The following UQCC1 variants were observed in gnomAD, a reference collection of about 807,000 sequenced individuals.
UQCC1 encodes ubiquinol-cytochrome c reductase complex assembly factor 1, also known as bFGF-repressed Zic-binding protein.
In UQCC1, 38 loss-of-function variants were observed where a neutral mutation model predicts 48.0. The observed-to-expected ratio is 0.79, with a 90% confidence interval of 0.61 to 1.04. The LOEUF is 1.04. UQCC1 is among the 50% of genes least tolerant of loss of function. The pLI, the probability that UQCC1 is intolerant of heterozygous loss-of-function variation, is 0.00. For synonymous variants in UQCC1, 111 were observed against 129.2 expected (o/e 0.86, Z 0.95); for missense variants, 368 against 381.8 (o/e 0.96, Z 0.30).
At chr20:35,395,069 G>A (rs200874673) in intron 1 of UQCC1, among the ~76,000 whole-genome samples, 5 of 152,098 alleles carry the variant, frequency 3.3e-5, no homozygotes, top group South Asian at 4.2e-4. Flanking sequence ...CTTGCTCTCC[G>A]GGTGTGCCAC....
In UQCC1 at chr20:35,374,200, G is replaced by A. The variant is rs151024884; in HGVS notation, c.390C>T (p.Phe130=). Residue 130 remains phenylalanine, a synonymous_variant, in exon 5 of 10, where the codon TTC becomes TTT. Coordinates refer to ENST00000374385, the MANE Select transcript of UQCC1 (RefSeq NM_018244.5). ...ATAACTTACTTAGAAAGAATTCCTC[G>A]AAGTCAGTTTTCTCCACACAGCTAG... is the stretch of plus-strand genomic sequence containing the variant. ...MYTSCVEKTD[F]EEFFLRCQMP... 3.5e-4 allele frequency: 566 copies of A among 1,611,084 alleles called. 3 individuals are homozygous for A. The Middle Eastern group carries it at 9.6e-3, about 27-fold the overall frequency.
chr20:35,353,394 TAA>T (rs199996426), intron 6 of UQCC1, among the ~76,000 whole-genome samples: 10 of 119,606 alleles, frequency 8.4e-5, no homozygotes, highest in Admixed American at 1.7e-4. Context: ...AGACTCTACC[TAA>T]AAAAAAAAAA....
chr20:35,409,605 A>G (rs1472384646), intron 1 of UQCC1: 1 of 160,200 alleles, frequency 6.2e-6, no homozygotes, highest in African/African-American at 2.4e-5. Context: ...ATGATCAGCA[A>G]TGCCCAGGAC....
chr20:35,389,339 T>C (rs1420338543), intron 2 of UQCC1, among the ~76,000 whole-genome samples: 1 of 151,966 alleles, frequency 6.6e-6, no homozygotes, highest in Non-Finnish European at 1.5e-5. Context: ...CCGAGGCGCA[T>C]AGATCACAAG....
chr20:35,385,490 TTTG>T (rs908404330), intron 2 of UQCC1, among the ~76,000 whole-genome samples: 4 of 152,066 alleles, frequency 2.6e-5, no homozygotes, highest in African/African-American at 7.2e-5. Context: ...TTGTTTTGTT[TTTG>T]TTGTTGTTGT....
chr20:35,380,434 A>C (rs2061852308), intron 4 of UQCC1, among the ~76,000 whole-genome samples: 1 of 152,230 alleles, frequency 6.6e-6, no homozygotes, highest in African/African-American at 2.4e-5. Context: ...TTGTGGAATT[A>C]CTGTTCACTT....
intron 7 of UQCC1, among the ~76,000 whole-genome samples, chr20:35,339,160 A>G (rs1477624948): frequency 6.6e-6 from 1 of 152,014 alleles, no homozygotes; most frequent in African/African-American, 2.4e-5. Flanking sequence ...ATCATTCTTC[A>G]GTCAGTATTT....
chr20:35,394,042 C>CACAT (rs754979457), intron 2 of UQCC1, 50 bp downstream of exon 2: 1 of 1,541,386 alleles, frequency 6.5e-7, no homozygotes, highest in Non-Finnish European at 9.0e-7. Context: ...ATGACATTTG[C>CACAT]ACATAAACAC....
intron 6 of UQCC1, among the ~76,000 whole-genome samples, chr20:35,349,883 G>A (rs2061471683): frequency 6.6e-6 from 1 of 152,116 alleles, no homozygotes. Context: ...TGTAGTCCCA[G>A]CTACTCAGGA....
intron 2 of UQCC1, among the ~76,000 whole-genome samples, chr20:35,389,877 G>A (rs1357226873): frequency 6.6e-6 from 1 of 152,126 alleles, no homozygotes; most frequent in African/African-American, 2.4e-5. Context: ...TTTGTACACT[G>A]ACATTCACTG....
At position 35,302,952 on chromosome 20, in the gene UQCC1, C is replaced by G. The variant is rs534003700; in HGVS notation, c.*983G>C. ...CCCTTTCTTCACTTTAAGAAAATCCCCCAAGAGATGACCCGCACTGAGGGA... is the reference window on the plus strand; with the variant it reads ...CCCTTTCTTCACTTTAAGAAAATCCGCCAAGAGATGACCCGCACTGAGGGA... On this transcript the variant is annotated 3_prime_UTR_variant, in exon 10 of 10. Transcript: ENST00000374385. 6.6e-6 allele frequency: 1 copy of G among 152,202 alleles called. No homozygotes were observed. Among genetic ancestry groups the G allele is most frequent in the African/African-American group, 2.4e-5 (1 of 41,500 alleles). 9.4% of individuals were successfully genotyped at this position (152,202 alleles called of 1,614,324 possible). A position where few individuals can be genotyped will look rare whatever the true frequency, so the allele number is the denominator to read the frequency against.
intron 4 of UQCC1, among the ~76,000 whole-genome samples, chr20:35,375,275 C>A (rs2061783102): frequency 6.6e-6 from 1 of 152,034 alleles, no homozygotes; most frequent in African/African-American, 2.4e-5. Context: ...ATACCCAAAA[C>A]TATATAATGT....
At chr20:35,320,567 A>T (rs1400075602) in intron 7 of UQCC1, among the ~76,000 whole-genome samples, 1 of 152,218 alleles carries the variant, frequency 6.6e-6, no homozygotes, top group Non-Finnish European at 1.5e-5. Flanking sequence ...GAGTAAACAC[A>T]ACTCAGAGAT....
intron 6 of UQCC1, among the ~76,000 whole-genome samples, chr20:35,362,090 C>T (rs1438204139): frequency 2.0e-5 from 3 of 152,148 alleles, no homozygotes; most frequent in African/African-American, 7.2e-5. Flanking sequence ...TCTCCCTGCC[C>T]AGAAGGGAAG....
At chr20:35,411,575 A>G (rs1287484648) in intron 1 of UQCC1, among the ~76,000 whole-genome samples, 3 of 152,208 alleles carry the variant, frequency 2.0e-5, no homozygotes, top group African/African-American at 7.2e-5. Context: ...TGACTTGCTT[A>G]AAGTCACTAT....
chr20:35,356,952 T>C (rs2061552797), intron 6 of UQCC1, among the ~76,000 whole-genome samples: 1 of 152,102 alleles, frequency 6.6e-6, no homozygotes, highest in African/African-American at 2.4e-5. Flanking sequence ...ATTTATTTAA[T>C]AGAGACACGA....
chr20:35,377,712 CTATATA>C (rs1013910581), intron 4 of UQCC1, among the ~76,000 whole-genome samples: 3 of 152,070 alleles, frequency 2.0e-5, no homozygotes, highest in African/African-American at 7.2e-5. Flanking sequence ...CTTCAGATTC[CTATATA>C]TAAAGTCCTG....
intron 4 of UQCC1, among the ~76,000 whole-genome samples, chr20:35,380,427 T>A (rs1019180581): frequency 6.6e-6 from 1 of 152,208 alleles, no homozygotes; most frequent in African/African-American, 2.4e-5. Context: ...AAAATGCTTG[T>A]GGAATTACTG....
chr20:35,388,383 C>G (rs184228549), intron 2 of UQCC1, among the ~76,000 whole-genome samples: 7 of 147,846 alleles, frequency 4.7e-5, no homozygotes, highest in Non-Finnish European at 1.0e-4. Context: ...TTTGACCCCC[C>G]CAGACTCAAG....
Sources: gnomAD v4.1 joint callset for allele counts (sites outside exome capture counted in the v4.1 genomes callset) on GRCh38, gnomAD v4.1.1 for gene constraint, MANE v1.5 for transcripts, NCBI Gene and HGNC (gene_info 2026-07-23, HGNC 2026-07-21) for gene names.